The following DCUN1D3 variants were observed in gnomAD, a reference collection of about 807,000 sequenced individuals.
DCUN1D3 encodes the protein defective in cullin neddylation 1 domain containing 3.
DCUN1D3 carries 6 observed loss-of-function variants against 24.8 expected under a neutral mutation model. That is an observed-to-expected ratio of 0.24 (90% CI 0.13 to 0.48). DCUN1D3 has a LOEUF of 0.48. DCUN1D3 is among the 20% of genes least tolerant of loss of function. The pLI is 0.99. For missense variants in DCUN1D3, 258 were observed against 379.4 expected (o/e 0.68, Z 2.66); for synonymous variants, 120 against 144.9 (o/e 0.83, Z 1.24).
At chr16:20,865,390 A>C (rs2081756643) in intron 1 of DCUN1D3, among the ~76,000 whole-genome samples, 1 of 152,210 alleles carries the variant, frequency 6.6e-6, no homozygotes. Context: ...TTTTTTAAAC[A>C]AATTGCTAGA....
At chr16:20,899,668 G>A (rs546534144) in intron 1 of DCUN1D3, among the ~76,000 whole-genome samples, 3 of 152,098 alleles carry the variant, frequency 2.0e-5, no homozygotes, top group East Asian at 3.9e-4. Context: ...TTGTCACCCC[G>A]TCCCACTTCC....
intron 1 of DCUN1D3, among the ~76,000 whole-genome samples, chr16:20,899,171 G>A (rs1258107087): frequency 6.6e-6 from 1 of 152,178 alleles, no homozygotes; most frequent in Non-Finnish European, 1.5e-5. Flanking sequence ...AAGTAATATG[G>A]GGTTTTCTGT....
intron 1 of DCUN1D3, among the ~76,000 whole-genome samples, chr16:20,867,064 G>A (rs2081765908): frequency 6.6e-6 from 1 of 152,200 alleles, no homozygotes. Flanking sequence ...TTGATACGGT[G>A]CCAGGCACTA....
At chr16:20,884,041 G>A (rs572863914) in intron 1 of DCUN1D3, among the ~76,000 whole-genome samples, 9 of 152,268 alleles carry the variant, frequency 5.9e-5, no homozygotes, top group Non-Finnish European at 7.4e-5. Context: ...TGAGAAGACC[G>A]CGATAAGTGG....
At chr16:20,883,078 C>T (rs1158217469) in intron 1 of DCUN1D3, among the ~76,000 whole-genome samples, 3 of 152,162 alleles carry the variant, frequency 2.0e-5, no homozygotes, top group Non-Finnish European at 4.4e-5. Context: ...TAGAGCATCC[C>T]TAATATGAAA....
chr16:20,882,671 C>T (rs1465667294), intron 1 of DCUN1D3, among the ~76,000 whole-genome samples: 1 of 152,202 alleles, frequency 6.6e-6, no homozygotes, highest in African/African-American at 2.4e-5. Context: ...ACAATAGGCA[C>T]TAAAAATTAT....
At chr16:20,870,208 C>A (rs1194033748) in intron 1 of DCUN1D3, among the ~76,000 whole-genome samples, 1 of 152,074 alleles carries the variant, frequency 6.6e-6, no homozygotes, top group African/African-American at 2.4e-5. Flanking sequence ...TCAGTGAGGC[C>A]AAAGTTCTAA....
chr16:20,870,819 T>C (rs533605449), intron 1 of DCUN1D3, among the ~76,000 whole-genome samples: 5 of 152,244 alleles, frequency 3.3e-5, no homozygotes, highest in Non-Finnish European at 5.9e-5. Flanking sequence ...TGCAGCTTTT[T>C]ATTTCTTCCT....
Position 20,860,459 on chromosome 16 carries a change from C to A in DCUN1D3, c.432-90G>T, listed in dbSNP as rs544289895. 44 of 1,371,896 alleles carry A rather than the reference C, an allele frequency of 3.2e-5. 1 individual carries two copies. The highest frequency in any genetic ancestry group is 4.1e-5 in the Non-Finnish European group (42 of 1,025,574). The allele number at this position is 1,371,896 out of a possible 1,614,324, so 85.0% of individuals were successfully genotyped here. A position where few individuals can be genotyped will look rare whatever the true frequency, so the allele number is the denominator to read the frequency against. On this transcript the variant is annotated intron_variant, in intron 2 of 2. Coordinates refer to ENST00000324344, the MANE Select transcript of DCUN1D3 (RefSeq NM_173475.4). The surrounding 1 kb of genome is among the most constrained non-coding windows in gnomAD (Gnocchi z 4.3). The stretch of plus-strand genomic sequence containing the variant: ...AGTGATTAAGAGCAAGGCTTTCAGG[C>A]CAGATGGTCTGAATTTGAATTCTAA...
intron 1 of DCUN1D3, among the ~76,000 whole-genome samples, chr16:20,881,308 G>A (rs1398226196): frequency 6.6e-6 from 1 of 152,184 alleles, no homozygotes; most frequent in East Asian, 1.9e-4. Context: ...TCAGGAGGCT[G>A]AGGGGAGAGA....
intron 1 of DCUN1D3, among the ~76,000 whole-genome samples, chr16:20,866,525 A>C (rs2081762986): frequency 6.6e-6 from 1 of 152,204 alleles, no homozygotes; most frequent in African/African-American, 2.4e-5. Context: ...TAGGGACAGA[A>C]CAGATGGGGC....
At chr16:20,861,818 C>CT (rs1163605983) in intron 2 of DCUN1D3, among the ~76,000 whole-genome samples, 1 of 151,994 alleles carries the variant, frequency 6.6e-6, no homozygotes, top group Non-Finnish European at 1.5e-5. Flanking sequence ...ACATGAATCT[C>CT]TATCAAAATC....
chr16:20,883,984 T>C (rs751126174), intron 1 of DCUN1D3, among the ~76,000 whole-genome samples: 3 of 152,166 alleles, frequency 2.0e-5, no homozygotes, highest in African/African-American at 7.2e-5. Context: ...AAGGGCTTTA[T>C]TTTAGGAGTG....
At chr16:20,887,764 GA>G (rs1171294986) in intron 1 of DCUN1D3, among the ~76,000 whole-genome samples, 2 of 152,188 alleles carry the variant, frequency 1.3e-5, no homozygotes, top group African/African-American at 4.8e-5. Flanking sequence ...TAGACTGGCT[GA>G]AATAAATCTA....
At chr16:20,872,746 C>T (rs1018592336) in intron 1 of DCUN1D3, among the ~76,000 whole-genome samples, 3 of 152,166 alleles carry the variant, frequency 2.0e-5, no homozygotes, top group African/African-American at 7.2e-5. Flanking sequence ...AAAAAAAAGC[C>T]AATCACTAAT....
At chr16:20,868,305 C>T (rs1431446706) in intron 1 of DCUN1D3, among the ~76,000 whole-genome samples, 1 of 152,164 alleles carries the variant, frequency 6.6e-6, no homozygotes, top group South Asian at 2.1e-4. Flanking sequence ...ATAAATGTAG[C>T]TCTGTGAAGC....
At chr16:20,884,210 T>C (rs1469266998) in intron 1 of DCUN1D3, among the ~76,000 whole-genome samples, 2 of 152,204 alleles carry the variant, frequency 1.3e-5, no homozygotes, top group Non-Finnish European at 2.9e-5. Context: ...TAATCATTTG[T>C]ATGACTAGGA....
intron 1 of DCUN1D3, among the ~76,000 whole-genome samples, chr16:20,889,866 A>T (rs2152518784): frequency 6.6e-6 from 1 of 152,326 alleles, no homozygotes; most frequent in African/African-American, 2.4e-5. Flanking sequence ...GCACATGATT[A>T]GACCTCAAAG....
intron 1 of DCUN1D3, among the ~76,000 whole-genome samples, chr16:20,894,431 C>T (rs552054089): frequency 1.3e-5 from 2 of 152,302 alleles, no homozygotes; most frequent in East Asian, 3.9e-4. Flanking sequence ...ATCTGAGATT[C>T]TTAGTCAGTC....
Sources: allele counts gnomAD v4.1 joint callset (sites outside exome capture counted in the v4.1 genomes callset), GRCh38; gene constraint gnomAD v4.1.1; non-coding constraint Gnocchi (gnomAD v3.1); transcripts MANE v1.5; gene names NCBI Gene and HGNC (gene_info 2026-07-23, HGNC 2026-07-21).